PPARGC1A: variants seen among roughly 807,000 people sequenced by gnomAD.
PPARGC1A encodes the protein peroxisome proliferator-activated receptor gamma coactivator 1-alpha.
In PPARGC1A, 25 loss-of-function variants were observed where a neutral mutation model predicts 88.7. The ratio of observed to expected loss-of-function variants is 0.28; its 90% CI spans 0.21 to 0.39. The LOEUF (loss-of-function observed/expected upper bound fraction) is 0.39, where lower values mean the gene tolerates loss of function less well. Ranked by LOEUF, PPARGC1A falls within the 10% of genes least tolerant of loss-of-function variation. The pLI, the probability that PPARGC1A is intolerant of heterozygous loss-of-function variation, is 1.00. For missense variants in PPARGC1A, 880 were observed against 968.7 expected, an observed-to-expected ratio of 0.91 and a Z score of 1.22; for synonymous variants, 363 against 355.6, an observed-to-expected ratio of 1.02 and a Z score of -0.24.
chr4:24,003,984 A>C, the PPARGC1A span, among the ~76,000 whole-genome samples: 1 of 152,250 alleles, frequency 6.6e-6, no homozygotes, highest in Non-Finnish European at 1.5e-5. Flanking sequence ...ATCTTCAAAA[A>C]TAATCATGCA....
chr4:24,390,508 T>C, the PPARGC1A span, among the ~76,000 whole-genome samples: 2 of 152,156 alleles, frequency 1.3e-5, no homozygotes, highest in Non-Finnish European at 1.5e-5. Flanking sequence ...ATGTTTTTTA[T>C]ATGCATGTTA....
At chr4:24,117,003 A>G in the PPARGC1A span, among the ~76,000 whole-genome samples, 1 of 152,238 alleles carries the variant, frequency 6.6e-6, no homozygotes, top group Non-Finnish European at 1.5e-5. Flanking sequence ...CAACCACAAC[A>G]ACAACAAAAA....
chr4:23,883,709 T>C lies in PPARGC1A; in HGVS notation c.234+1043A>G, dbSNP rs533094714. 5.3e-5 allele frequency: 8 copies of C among 152,360 alleles called. No individual in the cohort carries two copies. In the South Asian group the frequency reaches 1.7e-3, roughly 32 times the overall value. 9.4% of individuals were successfully genotyped at this position (152,360 alleles called of 1,614,324 possible). A position where few individuals can be genotyped will look rare whatever the true frequency, so the allele number is the denominator to read the frequency against. ...GCCATTATTGTCATTACTATTATTG[T>C]TATCAACATTAATATATTCATCATT... On this transcript the variant is annotated intron_variant, in intron 2 of 12. Transcript: ENST00000264867.
chr4:24,122,436 T>TATAGAGAGAG, the PPARGC1A span, among the ~76,000 whole-genome samples: 2 of 124,318 alleles, frequency 1.6e-5, no homozygotes, highest in South Asian at 5.8e-4. Context: ...TATATATATA[T>TATAGAGAGAG]AGAGAGAGAG....
the PPARGC1A span, among the ~76,000 whole-genome samples, chr4:23,915,121 C>T: frequency 6.6e-6 from 1 of 152,080 alleles, no homozygotes; most frequent in South Asian, 2.1e-4. Flanking sequence ...TTCTTTTGTA[C>T]TTTGGACTGA....
the PPARGC1A span, among the ~76,000 whole-genome samples, chr4:24,249,942 A>G: frequency 3.9e-5 from 6 of 152,346 alleles, no homozygotes; most frequent in South Asian, 1.2e-3. Flanking sequence ...GTATGCAATT[A>G]TTGATATCAC....
chr4:24,167,227 G>C, the PPARGC1A span, among the ~76,000 whole-genome samples: 1 of 152,198 alleles, frequency 6.6e-6, no homozygotes, highest in Non-Finnish European at 1.5e-5. Flanking sequence ...AGATGTGGTA[G>C]AAATAGCAAG....
At chr4:23,996,598 T>C in the PPARGC1A span, among the ~76,000 whole-genome samples, 5 of 152,122 alleles carry the variant, frequency 3.3e-5, no homozygotes, top group African/African-American at 1.2e-4. Flanking sequence ...CCCCACTCTG[T>C]TTCTCTTGAA....
the PPARGC1A span, among the ~76,000 whole-genome samples, chr4:24,423,065 G>A: frequency 1.3e-5 from 2 of 152,126 alleles, no homozygotes; most frequent in South Asian, 4.2e-4. Context: ...ATATATACAT[G>A]GTGTTTATAG....
At chr4:24,070,716 T>C in the PPARGC1A span, among the ~76,000 whole-genome samples, 1 of 152,184 alleles carries the variant, frequency 6.6e-6, no homozygotes, top group Non-Finnish European at 1.5e-5. Flanking sequence ...AGCCTACCTA[T>C]TTTTGCATAG....
chr4:24,135,894 C>T, the PPARGC1A span, among the ~76,000 whole-genome samples: 1 of 152,260 alleles, frequency 6.6e-6, no homozygotes, highest in Non-Finnish European at 1.5e-5. Context: ...AACCGGAATG[C>T]GTTTAAACAC....
chr4:23,991,629 C>A, the PPARGC1A span, among the ~76,000 whole-genome samples: 1 of 151,962 alleles, frequency 6.6e-6, no homozygotes, highest in African/African-American at 2.4e-5. Flanking sequence ...AGCTTATCTC[C>A]CCAACAACCC....
the PPARGC1A span, among the ~76,000 whole-genome samples, chr4:24,262,594 A>G: frequency 6.6e-6 from 1 of 152,206 alleles, no homozygotes; most frequent in African/African-American, 2.4e-5. Context: ...AGGGCTTTTC[A>G]GGGGTCTGTA....
At chr4:24,021,965 G>A in the PPARGC1A span, among the ~76,000 whole-genome samples, 1 of 152,158 alleles carries the variant, frequency 6.6e-6, no homozygotes, top group Non-Finnish European at 1.5e-5. Flanking sequence ...TTTAAGAAAG[G>A]CCACTTAGTA....
the PPARGC1A span, among the ~76,000 whole-genome samples, chr4:23,956,641 C>G: frequency 6.6e-6 from 1 of 152,092 alleles, no homozygotes; most frequent in Non-Finnish European, 1.5e-5. Context: ...TCTTCAGTCC[C>G]TCCCACTTTG....
chr4:24,407,955 C>T, the PPARGC1A span, among the ~76,000 whole-genome samples: 57 of 152,248 alleles, frequency 3.7e-4, no homozygotes, highest in Non-Finnish European at 6.8e-4. Context: ...TAAAAGGCCT[C>T]GTTTGGAGTA....
chr4:24,357,977 T>A, the PPARGC1A span, among the ~76,000 whole-genome samples: 1 of 152,226 alleles, frequency 6.6e-6, no homozygotes, highest in Non-Finnish European at 1.5e-5. Context: ...TGTTGCTTAA[T>A]CTATCTCTAA....
chr4:23,906,371 G>C (rs1720033020), upstream of PPARGC1A, among the ~76,000 whole-genome samples: 1 of 151,852 alleles, frequency 6.6e-6, no homozygotes, highest in African/African-American at 2.4e-5. Flanking sequence ...CCAGCACTTT[G>C]TGAGGTCTTG....
At chr4:23,910,080 AG>A in the PPARGC1A span, among the ~76,000 whole-genome samples, 3 of 141,828 alleles carry the variant, frequency 2.1e-5, no homozygotes, top group Non-Finnish European at 4.5e-5. Context: ...CAATGAAAAT[AG>A]GCATGTATAT....
Sources: allele counts gnomAD v4.1 joint callset (sites outside exome capture counted in the v4.1 genomes callset), GRCh38; gene constraint gnomAD v4.1.1; transcripts MANE v1.5; gene names NCBI Gene and HGNC (gene_info 2026-07-23, HGNC 2026-07-21).